EPHA6: variants seen among roughly 807,000 people sequenced by gnomAD.
The protein encoded by EPHA6 is EPH receptor A6.
In EPHA6, 50 loss-of-function variants were observed where a neutral mutation model predicts 112.0. That is an observed-to-expected ratio of 0.45 (90% CI 0.36 to 0.56). EPHA6 has a LOEUF of 0.56. Among genes scored for constraint, EPHA6 ranks in the 20% least tolerant of loss-of-function variants. The probability of loss-of-function intolerance (pLI) is 0.00; values close to 1 mark genes in which losing one functional copy is unlikely to be tolerated. For synonymous variants in EPHA6, 529 were observed against 490.7 expected, an observed-to-expected ratio of 1.08 and a Z score of -1.03; for missense variants, 1,280 against 1,417.4, an observed-to-expected ratio of 0.90 and a Z score of 1.56.
At chr3:97,357,190 A>T (rs138597453) in intron 5 of EPHA6, among the ~76,000 whole-genome samples, 2 of 152,142 alleles carry the variant, frequency 1.3e-5, no homozygotes, top group African/African-American at 4.8e-5. Flanking sequence ...TCTCTTATAG[A>T]CAAGGTATAG....
chr3:97,324,696 GC>G (rs2082335806), intron 5 of EPHA6, among the ~76,000 whole-genome samples: 1 of 151,506 alleles, frequency 6.6e-6, no homozygotes, highest in African/African-American at 2.4e-5. Context: ...CTGCCACCAC[GC>G]CCAGCTCATT....
At chr3:97,156,114 A>G (rs2076283956) in intron 3 of EPHA6, among the ~76,000 whole-genome samples, 1 of 152,188 alleles carries the variant, frequency 6.6e-6, no homozygotes, top group Non-Finnish European at 1.5e-5. Flanking sequence ...AAGTTATTTT[A>G]TCAGCTCTGT....
rs532488955 is a variant in EPHA6 at position 97,180,145 on chromosome 3, C to T, written c.1115-46119C>T. On this transcript the variant is annotated intron_variant, in intron 3 of 17. Coordinates refer to ENST00000389672, the MANE Select transcript of EPHA6 (RefSeq NM_001080448.3). ...CACTCTTCCCTCCCCTTTTCAAAGGCAGAGGAGCGTTCGTTTGTAGCCACC... is the reference window on the plus strand; with the variant it reads ...CACTCTTCCCTCCCCTTTTCAAAGGTAGAGGAGCGTTCGTTTGTAGCCACC... 2.4e-4 allele frequency among the ~76,000 whole-genome samples: 37 copies of T among 152,132 alleles called. 1 individual carries two copies. Among genetic ancestry groups the T allele is most frequent in the African/African-American group, 6.7e-4 (28 of 41,506 alleles).
chr3:97,015,057 G>C (rs536412155), intron 3 of EPHA6, among the ~76,000 whole-genome samples: 1 of 152,122 alleles, frequency 6.6e-6, no homozygotes, highest in Non-Finnish European at 1.5e-5. Context: ...ATTGACACAA[G>C]TTTTATCATT....
At chr3:97,529,635 T>A (rs1414860893) in intron 10 of EPHA6, among the ~76,000 whole-genome samples, 1 of 151,712 alleles carries the variant, frequency 6.6e-6, no homozygotes, top group Non-Finnish European at 1.5e-5. Flanking sequence ...TAATTTAAAA[T>A]TTTTTTTTCC....
At chr3:97,503,271 GT>G (rs1286983680) in intron 10 of EPHA6, among the ~76,000 whole-genome samples, 3 of 152,032 alleles carry the variant, frequency 2.0e-5, no homozygotes, top group Non-Finnish European at 4.4e-5. Flanking sequence ...CAGATTTTGA[GT>G]TTTTTTGAAA....
At chr3:97,152,450 T>A (rs1163879569) in intron 3 of EPHA6, among the ~76,000 whole-genome samples, 1 of 149,346 alleles carries the variant, frequency 6.7e-6, no homozygotes, top group Non-Finnish European at 1.5e-5. Flanking sequence ...ATATTAAATA[T>A]TTTATATTAG....
At chr3:97,219,087 C>T (rs1291106679) in intron 3 of EPHA6, among the ~76,000 whole-genome samples, 1 of 151,860 alleles carries the variant, frequency 6.6e-6, no homozygotes, top group Non-Finnish European at 1.5e-5. Context: ...CAGTCTTGGA[C>T]AGATCTACCC....
intron 2 of EPHA6, among the ~76,000 whole-genome samples, chr3:96,887,948 C>T (rs903968358): frequency 1.3e-5 from 2 of 152,064 alleles, no homozygotes; most frequent in Non-Finnish European, 2.9e-5. Context: ...ACTGTGCCCC[C>T]ACAACAACTC....
chr3:96,966,521 C>T lies in EPHA6; in HGVS notation c.451-20809C>T, dbSNP rs116622218. Among the ~76,000 whole-genome samples the T allele has an allele frequency of 9.7e-3, 1,474 of 152,164 alleles. 17 individuals are homozygous for T. Among genetic ancestry groups the T allele is most frequent in the African/African-American group, 0.018 (753 of 41,532 alleles). ...CTTGCCTAGAGATTTGGCGTAATTA[C>T]GTATCTGCTCCCAAATTAGTTTAAG... On this transcript the variant is annotated intron_variant, in intron 2 of 17. Coordinates refer to ENST00000389672, the MANE Select transcript of EPHA6 (RefSeq NM_001080448.3).
chr3:97,709,058 C>T (rs1242006524), intron 14 of EPHA6, among the ~76,000 whole-genome samples: 1 of 151,786 alleles, frequency 6.6e-6, no homozygotes, highest in Non-Finnish European at 1.5e-5. Context: ...AGCCCCCACC[C>T]ATAGTCCCTA....
At chr3:97,374,998 C>G (rs1265599985) in intron 5 of EPHA6, among the ~76,000 whole-genome samples, 1 of 152,084 alleles carries the variant, frequency 6.6e-6, no homozygotes, top group Non-Finnish European at 1.5e-5. Context: ...TACTATGTGT[C>G]CAGCGCATGC....
intron 3 of EPHA6, among the ~76,000 whole-genome samples, chr3:97,202,458 G>A (rs1377552745): frequency 2.6e-5 from 4 of 151,070 alleles, no homozygotes; most frequent in Non-Finnish European, 5.9e-5. Flanking sequence ...AAGTCTCCAT[G>A]GTACCTGAGA....
At chr3:97,639,446 C>A (rs978188222) in intron 14 of EPHA6, among the ~76,000 whole-genome samples, 4 of 151,918 alleles carry the variant, frequency 2.6e-5, no homozygotes, top group Non-Finnish European at 5.9e-5. Context: ...CACATTATTT[C>A]TAATGCTGAA....
At chr3:97,200,799 A>G (rs1442995063) in intron 3 of EPHA6, among the ~76,000 whole-genome samples, 1 of 152,162 alleles carries the variant, frequency 6.6e-6, no homozygotes, top group Non-Finnish European at 1.5e-5. Context: ...CCTGCAATCC[A>G]ATAGTGAAAA....
intron 3 of EPHA6, among the ~76,000 whole-genome samples, chr3:97,201,229 G>T (rs1014441205): frequency 2.0e-5 from 3 of 152,046 alleles, no homozygotes; most frequent in Non-Finnish European, 4.4e-5. Context: ...AGTAAATCTT[G>T]TCAGTTTCTC....
At chr3:97,151,990 A>G (rs2076182746) in intron 3 of EPHA6, among the ~76,000 whole-genome samples, 1 of 152,176 alleles carries the variant, frequency 6.6e-6, no homozygotes, top group South Asian at 2.1e-4. Context: ...AATGGTTTAC[A>G]TACAGTAACT....
intron 14 of EPHA6, among the ~76,000 whole-genome samples, chr3:97,639,534 A>G (rs1281592465): frequency 6.6e-6 from 1 of 152,150 alleles, no homozygotes; most frequent in Non-Finnish European, 1.5e-5. Context: ...ATCTACTAAA[A>G]AATAAAATAT....
In EPHA6 at chr3:97,701,882, T is replaced by C. The variant is rs190465211; in HGVS notation, c.2785-18379T>C. Among the ~76,000 whole-genome samples, 290 of 152,254 alleles carry C rather than the reference T, an allele frequency of 1.9e-3. 2 individuals are homozygous for C. The highest frequency in any genetic ancestry group is 6.8e-3 in the African/African-American group (283 of 41,566). On this transcript the variant is annotated intron_variant, in intron 14 of 17. Coordinates refer to ENST00000389672, the MANE Select transcript of EPHA6 (RefSeq NM_001080448.3). ...ACAATGTATAGTGATTCCAAGCCAT[T>C]TCCTCAAATTTATAAATTGAGTGCC...
Sources: allele counts gnomAD v4.1 joint callset (sites outside exome capture counted in the v4.1 genomes callset), GRCh38; gene constraint gnomAD v4.1.1; transcripts MANE v1.5; gene names NCBI Gene and HGNC (gene_info 2026-07-23, HGNC 2026-07-21).